U2AF2: variants seen among roughly 807,000 people sequenced by gnomAD.
U2AF2 encodes U2 small nuclear RNA auxiliary factor 2, also known as splicing factor U2AF 65 kDa subunit.
Under a neutral mutation model 52.6 loss-of-function variants are expected in U2AF2, and 6 were observed. The observed-to-expected ratio is 0.11, with a 90% CI of 0.06 to 0.23. The LOEUF (loss-of-function observed/expected upper bound fraction) is 0.23, where lower values mean the gene tolerates loss of function less well. Ranked by LOEUF, U2AF2 falls within the 10% of genes least tolerant of loss-of-function variation. The pLI, the probability that U2AF2 is intolerant of heterozygous loss-of-function variation, is 1.00. For synonymous variants in U2AF2, 284 were observed against 258.2 expected (o/e 1.10, Z -0.96); for missense variants, 222 against 677.1 (o/e 0.33, Z 7.46).
chr19:55,656,067 C>T (rs910053927), intron 1 of U2AF2, among the ~76,000 whole-genome samples: 2 of 152,180 alleles, frequency 1.3e-5, no homozygotes, highest in African/African-American at 4.8e-5. Context: ...AGGCAGGTTC[C>T]CTTCAGGGTA....
intron 1 of U2AF2, among the ~76,000 whole-genome samples, chr19:55,657,066 C>T (rs1004321903): frequency 6.6e-6 from 1 of 152,238 alleles, no homozygotes; most frequent in African/African-American, 2.4e-5. Flanking sequence ...ATTCTGAGCT[C>T]TGGCTGCAAG....
At chr19:55,670,647 GC>G (rs1984858302) in intron 11 of U2AF2, 2 of 249,024 alleles carry the variant, frequency 8.0e-6, no homozygotes, top group Admixed American at 1.0e-4. Context: ...TCAAGAGGTG[GC>G]AGTGAGCAGG....
chr19:55,673,582 G>T (rs763816032), intron 11 of U2AF2, among the ~76,000 whole-genome samples: 2 of 152,144 alleles, frequency 1.3e-5, no homozygotes, highest in Non-Finnish European at 2.9e-5. Context: ...GGTTCTGGGA[G>T]CGCCCACCAT....
rs1160376660 is a variant in U2AF2, at chr19:55,659,275, C to CGCCGGA, written c.126_131dup (p.Ser43_Arg44dup). On this transcript the variant is annotated inframe_insertion, in exon 2 of 12. Transcript: ENST00000308924. The stretch of plus-strand genomic sequence containing the variant: ...CCGCTCTCGGAGCCGGGACCGCAAA[C>CGCCGGA]GCCGGAGCCGGAGCCGCGACCGGCG... The CGCCGGA allele has an allele frequency of 5.6e-6, 9 of 1,602,476 alleles. No homozygotes were observed. Among genetic ancestry groups the CGCCGGA allele is most frequent in the Admixed American group, 3.4e-5 (2 of 59,204 alleles).
At chr19:55,659,406 C>G in intron 2 of U2AF2, 61 bp downstream of exon 2, 1 of 1,408,010 alleles carries the variant, frequency 7.1e-7, no homozygotes, top group South Asian at 1.5e-5. Context: ...TGTTGGCCGG[C>G]CTGTGGGTGG....
At chr19:55,661,246 C>T in intron 5 of U2AF2, 57 bp downstream of exon 5, 4 of 1,442,558 alleles carry the variant, frequency 2.8e-6, no homozygotes, top group South Asian at 1.4e-5. Flanking sequence ...CGTTCCTCCC[C>T]TTCCCTCCAT....
chr19:55,657,719 T>C (rs533332136), intron 1 of U2AF2, among the ~76,000 whole-genome samples: 42 of 152,334 alleles, frequency 2.8e-4, no homozygotes, highest in African/African-American at 8.7e-4. Flanking sequence ...TTGTCATTAA[T>C]GGTTCTAGCC....
Position 55,663,602 on chromosome 19 carries a change from T to A in U2AF2, c.604-4T>A. The A allele has an allele frequency of 1.1e-5, 17 of 1,613,540 alleles. No individual in the cohort carries two copies. Among genetic ancestry groups the A allele is most frequent in the Non-Finnish European group, 1.4e-5 (17 of 1,179,576 alleles). On this transcript the variant is annotated splice_polypyrimidine_tract_variant and splice_region_variant and intron_variant, in intron 6 of 11. Transcript: ENST00000308924. ...CCCTCACCACTCCTTTCTCTTTCAT[T>A]CAGTTCCGCTCAGTGGACGAGACTA...
intron 2 of U2AF2, 24 bp from the exon 3 acceptor site, chr19:55,660,153 A>T: frequency 2.0e-6 from 2 of 1,009,174 alleles, no homozygotes; most frequent in Non-Finnish European, 1.4e-6. Context: ...ACCCCTCCCC[A>T]TACCTTTCCC....
chr19:55,665,367 A>G (rs1984482277), intron 7 of U2AF2, among the ~76,000 whole-genome samples: 1 of 144,208 alleles, frequency 6.9e-6, no homozygotes, highest in South Asian at 2.3e-4. Flanking sequence ...AGTGCCCTCC[A>G]TGCACGGCAG....
intron 1 of U2AF2, among the ~76,000 whole-genome samples, chr19:55,657,871 C>T (rs1983896310): frequency 6.6e-6 from 1 of 152,166 alleles, no homozygotes; most frequent in African/African-American, 2.4e-5. Context: ...CCTTAGTTTC[C>T]TTACCCATTA....
At chr19:55,667,016 G>T (rs1371403864) in intron 7 of U2AF2, among the ~76,000 whole-genome samples, 1 of 152,218 alleles carries the variant, frequency 6.6e-6, no homozygotes, top group Non-Finnish European at 1.5e-5. Flanking sequence ...GGCCCATGGG[G>T]TGAGTGCCCG....
chr19:55,658,942 T>G (rs1983973090), intron 1 of U2AF2: 1 of 399,834 alleles, frequency 2.5e-6, no homozygotes, highest in East Asian at 4.0e-5. Flanking sequence ...CAGCCTCCTC[T>G]GTCTTCTCTG....
chr19:55,660,157 C>T lies in U2AF2; in HGVS notation c.186-20C>T, dbSNP rs368707111. ...GGTCCCCAGTCACCCCTCCCCATACCTTTCCCTCCCACCCCCCAGCAAACC... is the reference window on the plus strand; with the variant it reads ...GGTCCCCAGTCACCCCTCCCCATACTTTTCCCTCCCACCCCCCAGCAAACC... On this transcript the variant is annotated intron_variant, in intron 2 of 11. Transcript: ENST00000308924. The T allele has an allele frequency of 3.9e-5, 62 of 1,594,156 alleles. 1 individual carries two copies. In the South Asian group the frequency reaches 5.0e-4, roughly 13 times the overall value.
intron 7 of U2AF2, among the ~76,000 whole-genome samples, chr19:55,667,951 A>G (rs1249161518): frequency 6.6e-6 from 1 of 151,930 alleles, no homozygotes; most frequent in Non-Finnish European, 1.5e-5. Context: ...ACAGCCCGCT[A>G]ATTTTTGTGT....
rs550514049 is a variant in U2AF2 at position 55,665,774 on chromosome 19, G to A, written c.742+2030G>A. 3.9e-3 allele frequency among the ~76,000 whole-genome samples: 588 copies of A among 152,174 alleles called. 2 individuals are homozygous for A. The highest frequency in any genetic ancestry group is 6.9e-3 in the Non-Finnish European group (467 of 67,992). On this transcript the variant is annotated intron_variant, in intron 7 of 11. Coordinates refer to ENST00000308924, the MANE Select transcript of U2AF2 (RefSeq NM_007279.3). Reference sequence around the variant, plus strand: ...AGCGATTCTCCTGCCTCAGCCTCCCGAGTAGCTGGGATTACAGGCATGTGC... The same window carrying A: ...AGCGATTCTCCTGCCTCAGCCTCCCAAGTAGCTGGGATTACAGGCATGTGC...
In U2AF2 at chr19:55,655,051, G is replaced by A; in HGVS notation, c.-54G>A. On this transcript the variant is annotated 5_prime_UTR_variant, in exon 1 of 12. Coordinates refer to ENST00000308924, the MANE Select transcript of U2AF2 (RefSeq NM_007279.3). ...GGCGGAAGTAGCCGAAGCGGCTGGA[G>A]CGGGCGGCAAGGCGAGGCGAAAGCT... 1 of 1,598,802 alleles carries A rather than the reference G, an allele frequency of 6.3e-7. No individual in the cohort carries two copies. Among genetic ancestry groups the A allele is most frequent in the Non-Finnish European group, 8.5e-7 (1 of 1,174,424 alleles).
intron 7 of U2AF2, among the ~76,000 whole-genome samples, chr19:55,665,527 G>T (rs1196981167): frequency 2.1e-5 from 3 of 141,562 alleles, no homozygotes; most frequent in South Asian, 4.7e-4. Context: ...TCCATGGACG[G>T]CAGTTCTACG....
intron 1 of U2AF2, among the ~76,000 whole-genome samples, chr19:55,656,626 C>T (rs1983814791): frequency 6.6e-6 from 1 of 152,194 alleles, no homozygotes; most frequent in South Asian, 2.1e-4. Context: ...TCGCTAAACT[C>T]TTAGCATGTT....
Sources: allele counts gnomAD v4.1 joint callset (sites outside exome capture counted in the v4.1 genomes callset), GRCh38; gene constraint gnomAD v4.1.1; transcripts MANE v1.5; gene names NCBI Gene and HGNC (gene_info 2026-07-23, HGNC 2026-07-21).